WNK3: variants seen among roughly 807,000 people sequenced by gnomAD.
The protein encoded by WNK3 is serine/threonine-protein kinase WNK3.
In WNK3, 18 loss-of-function variants were observed where a neutral mutation model predicts 116.7. That is an observed-to-expected ratio of 0.15 (90% CI 0.11 to 0.23). WNK3 has a LOEUF of 0.23. Ranked by LOEUF, WNK3 falls within the 10% of genes least tolerant of loss-of-function variation. The pLI is 1.00. For missense variants in WNK3, 993 were observed against 1,323.8 expected (o/e 0.75, Z 3.88); for synonymous variants, 404 against 469.4 (o/e 0.86, Z 1.80).
At chrX:54,338,863 G>A (rs1557175929) in intron 1 of WNK3, among the ~76,000 whole-genome samples, 3 of 108,640 alleles carry the variant, frequency 2.8e-5, no homozygotes, top group East Asian at 5.8e-4. Flanking sequence ...TTAGCCGGGT[G>A]TGGTGGTACG....
At chrX:54,345,785 C>CA (rs372848363) in intron 1 of WNK3, among the ~76,000 whole-genome samples, 514 of 40,307 alleles carry the variant, frequency 0.013, 3 homozygotes, top group African/African-American at 0.028. Flanking sequence ...GACTCAGTAT[C>CA]AAAAAAAAAA....
At chrX:54,358,038 G>C (rs2069622196), upstream of WNK3, 1 of 108,719 alleles carries the variant, frequency 9.2e-6, no homozygotes, top group African/African-American at 3.3e-5. Context: ...AGGGAATTCG[G>C]ACGGGTAGGA....
intron 22 of WNK3, among the ~76,000 whole-genome samples, chrX:54,221,399 A>G (rs2067758878): frequency 8.9e-6 from 1 of 112,490 alleles, no homozygotes; most frequent in African/African-American, 3.2e-5. Flanking sequence ...AAATTGTGTC[A>G]ATGAGCTTAT....
At chrX:54,265,074 A>G (rs782207663) in intron 10 of WNK3, among the ~76,000 whole-genome samples, 6 of 111,682 alleles carry the variant, frequency 5.4e-5, no homozygotes, top group Admixed American at 9.6e-5. Flanking sequence ...GAGTAAAAAA[A>G]GTAAACCACA....
At chrX:54,340,887 G>A (rs1012118382) in intron 1 of WNK3, among the ~76,000 whole-genome samples, 2 of 111,709 alleles carry the variant, frequency 1.8e-5, no homozygotes, top group South Asian at 3.7e-4. Context: ...ATGTAAAATG[G>A]TACAGCTGCT....
intron 2 of WNK3, among the ~76,000 whole-genome samples, chrX:54,323,030 G>A (rs1414515559): frequency 9.9e-5 from 11 of 110,967 alleles, no homozygotes; most frequent in African/African-American, 2.6e-4. Context: ...ATACACCAAC[G>A]GATGCTAAAA....
chrX:54,249,972 C>T, intron 16 of WNK3, 22 bp downstream of exon 16: 1 of 1,190,865 alleles, frequency 8.4e-7, no homozygotes, highest in Non-Finnish European at 1.1e-6. Context: ...CTGGACAAAG[C>T]TGGCAGAGAA....
chrX:54,202,478 G>C lies in WNK3; in HGVS notation c.4871-285C>G, dbSNP rs187285288. On this transcript the variant is annotated intron_variant, in intron 22 of 23. Transcript: ENST00000354646. ...GAGGCCGAGGCGGGTGGATCACGAG[G>C]TCAGGAGTTCAAGACCAGCCTGGCC... Among the ~76,000 whole-genome samples, 104 of 110,677 alleles carry C rather than the reference G, an allele frequency of 9.4e-4. 1 individual carries two copies. The highest frequency in any genetic ancestry group is 3.3e-3 in the African/African-American group (101 of 30,446).
chrX:54,232,987 C>T (rs1557149367), exon 21 of WNK3: 1 of 1,210,770 alleles, frequency 8.3e-7, no homozygotes, highest in Admixed American at 2.2e-5. Context: ...CCTTATTCTG[C>T]TGGGTTTGAA....
exon 24 of WNK3, chrX:54,197,987 C>T: frequency 7.0e-6 from 1 of 142,103 alleles, no homozygotes; most frequent in South Asian, 3.7e-4. Context: ...GGATGGGGAG[C>T]TTCTCAACAA....
chrX:54,226,431 C>T (rs1391897668), intron 22 of WNK3, among the ~76,000 whole-genome samples: 1 of 90,581 alleles, frequency 1.1e-5, no homozygotes, highest in African/African-American at 4.4e-5. Context: ...GATTGTGCCA[C>T]GGCACTCCAG....
At chrX:54,227,376 T>G (rs1175015599) in intron 22 of WNK3, among the ~76,000 whole-genome samples, 1 of 112,009 alleles carries the variant, frequency 8.9e-6, no homozygotes, top group South Asian at 3.7e-4. Flanking sequence ...CATTCATATA[T>G]CTTCTTTAGA....
chrX:54,276,362 C>A (rs1351261635), intron 10 of WNK3, among the ~76,000 whole-genome samples: 8 of 109,335 alleles, frequency 7.3e-5, no homozygotes, highest in African/African-American at 2.7e-4. Context: ...CAAAAAAAAA[C>A]AAATTACTGC....
chrX:54,213,553 C>CAAAAAAAAAAAAAAAAAA (rs782580375), intron 22 of WNK3, among the ~76,000 whole-genome samples: 178 of 14,193 alleles, frequency 0.013, 4 homozygotes, highest in East Asian at 0.027. Context: ...GACTCCGTCT[C>CAAAAAAAAAAAAAAAAAA]AAAAAAAAAA....
intron 10 of WNK3, among the ~76,000 whole-genome samples, chrX:54,260,846 C>T (rs1198695619): frequency 1.8e-5 from 2 of 108,865 alleles, no homozygotes; most frequent in East Asian, 2.9e-4. Flanking sequence ...TCTGAGCCCC[C>T]GAGTAGCTGG....
chrX:54,319,265 C>T (rs931111557), intron 2 of WNK3, among the ~76,000 whole-genome samples: 2 of 111,063 alleles, frequency 1.8e-5, no homozygotes, highest in African/African-American at 3.3e-5. Context: ...CAGGTTCAAG[C>T]GATCCTCCCA....
At chrX:54,301,992 A>C in intron 5 of WNK3, 133 bp from the exon 6 acceptor site, 1 of 472,315 alleles carries the variant, frequency 2.1e-6, no homozygotes. Flanking sequence ...ATACATGTGT[A>C]TATATAGAGA....
chrX:54,343,534 A>C (rs1426987023), intron 1 of WNK3: 1 of 110,839 alleles, frequency 9.0e-6, no homozygotes, highest in Non-Finnish European at 1.9e-5. Flanking sequence ...AACAAACAAA[A>C]AACACAGGCT....
chrX:54,239,997 G>A (rs1557151208), intron 17 of WNK3, among the ~76,000 whole-genome samples: 2 of 112,292 alleles, frequency 1.8e-5, no homozygotes, highest in Non-Finnish European at 3.8e-5. Flanking sequence ...GATGTCTTGG[G>A]TAAGCATTAT....
Sources: gnomAD v4.1 joint callset for allele counts (sites outside exome capture counted in the v4.1 genomes callset) on GRCh38, gnomAD v4.1.1 for gene constraint, MANE v1.5 for transcripts, NCBI Gene and HGNC (gene_info 2026-07-23, HGNC 2026-07-21) for gene names.